ZNF397: variants seen among roughly 807,000 people sequenced by gnomAD.
ZNF397 encodes the protein zinc finger protein 397, also known as zinc finger and SCAN domain-containing protein 15.
Under a neutral mutation model 50.6 loss-of-function variants are expected in ZNF397, and 38 were observed. The observed-to-expected ratio is 0.75, with a 90% CI of 0.58 to 0.98. The LOEUF (loss-of-function observed/expected upper bound fraction) is 0.98. Ranked by LOEUF, ZNF397 falls within the 50% of genes least tolerant of loss-of-function variation. The pLI is 0.00. For missense variants in ZNF397, 624 were observed against 624.1 expected (o/e 1.00, Z 0.00); for synonymous variants, 228 against 215.2 (o/e 1.06, Z -0.52).
Position 35,242,783 on chromosome 18 carries a change from G to T in ZNF397, c.313G>T (p.Glu105Ter), listed in dbSNP as rs368013007. 3 of 1,614,080 alleles carry T rather than the reference G, an allele frequency of 1.9e-6. No homozygotes were observed. Among genetic ancestry groups the T allele is most frequent in the Non-Finnish European group, 2.5e-6 (3 of 1,180,046 alleles). ...GCAGTTCCTGAGCATTCTGCCTGAG[G>T]AGCTGCAGATCTGGGTTCAGCAACA... is the stretch of plus-strand genomic sequence containing the variant. ...LEQFLSILPEELQIWVQQHNP... is the reference protein window; with the variant it reads ...LEQFLSILPE Residue 105 changes from glutamate to a stop codon, truncating the protein, a stop_gained, in exon 2 of 4, where the codon GAG (glutamate) becomes TAG (stop). Transcript: ENST00000330501. LOFTEE classifies it high-confidence loss of function.
downstream of ZNF397, chr18:35,259,154 G>C (rs529732391): frequency 5.3e-5 from 8 of 152,216 alleles, no homozygotes; most frequent in African/African-American, 1.7e-4. Context: ...CAGCAGGTTT[G>C]GTTTCTTCTC....
At chr18:35,256,560 A>G (rs142000217) in intron 5 of ZNF397, among the ~76,000 whole-genome samples, 2 of 152,286 alleles carry the variant, frequency 1.3e-5, no homozygotes, top group Admixed American at 1.3e-4. Flanking sequence ...AAGAAAAAAA[A>G]AAAGATTACA....
chr18:35,256,062 G>GT (rs1430296448), intron 5 of ZNF397, among the ~76,000 whole-genome samples: 1 of 152,106 alleles, frequency 6.6e-6, no homozygotes, highest in African/African-American at 2.4e-5. Context: ...GAAAAGCAAT[G>GT]TAACTTATGG....
chr18:35,253,733 A>G (rs772453484), downstream of ZNF397: 3 of 1,614,148 alleles, frequency 1.9e-6, no homozygotes, highest in East Asian at 4.5e-5. Flanking sequence ...CTTATGCTGA[A>G]TAAGGGCTGA....
rs200551671 is a variant in ZNF397 at position 35,249,669 on chromosome 18, A to C, written c.*3359A>C. ...CTGTGTCTCAAAAAAAAAAAAAAAA[A>C]AAAAAAAAACACTGATGTCAATTAA... On this transcript the variant is annotated 3_prime_UTR_variant, in exon 4 of 4. Transcript: ENST00000330501. 1.4e-4 allele frequency: 21 copies of C among 149,710 alleles called. No homozygotes were observed. In the East Asian group the frequency reaches 2.7e-3, roughly 19 times the overall value. The allele number at this position is 149,710 out of a possible 1,614,324, so 9.3% of individuals were successfully genotyped here.
chr18:35,254,565 A>G (rs1306594101), downstream of ZNF397: 9 of 1,009,808 alleles, frequency 8.9e-6, no homozygotes, highest in Non-Finnish European at 1.3e-5. Context: ...CCCCTTGGAG[A>G]GTAAGGTAGA....
downstream of ZNF397, chr18:35,253,199 C>T (rs1291279321): frequency 1.1e-5 from 4 of 354,988 alleles, no homozygotes; most frequent in Non-Finnish European, 2.1e-5. Flanking sequence ...TGATGAGTCT[C>T]ATCCAGAAAT....
At chr18:35,249,832 T>C (rs1186148008), downstream of ZNF397, 1 of 152,090 alleles carries the variant, frequency 6.6e-6, no homozygotes, top group Admixed American at 6.6e-5. Flanking sequence ...TATGTGTGGG[T>C]GCTGAGGTTG....
intron 3 of ZNF397, among the ~76,000 whole-genome samples, chr18:35,244,550 A>G (rs1912781435): frequency 6.6e-6 from 1 of 152,294 alleles, no homozygotes; most frequent in East Asian, 1.9e-4. Flanking sequence ...ATCTGGAGGA[A>G]CGCTCGTGTT....
Position 35,243,235 on chromosome 18 carries a change from C to G in ZNF397, c.498C>G (p.His166Gln). The G allele has an allele frequency of 1.2e-6, 2 of 1,614,232 alleles. No individual in the cohort carries two copies. The highest frequency in any genetic ancestry group is 1.7e-6 in the Non-Finnish European group (2 of 1,180,046). The change falls in exon 3 of 4, where the codon CAC (histidine) becomes CAG (glutamine). Residue 166 changes from histidine to glutamine, a missense_variant. Transcript: ENST00000330501. ...CATCCCAAGAGTCAACAGACATCCACCTCCAGCCCTTAAAGACACAGCTGA... is the reference window on the plus strand; with the variant it reads ...CATCCCAAGAGTCAACAGACATCCAGCTCCAGCCCTTAAAGACACAGCTGA... The part of the protein sequence containing the change: ...LRASQESTDI[H>Q]LQPLKTQLKS...
Position 35,246,232 on chromosome 18 carries a change from TA to T in ZNF397, c.1528del (p.Ile510TyrfsTer24). On this transcript the variant is annotated frameshift_variant, in exon 4 of 4. Transcript: ENST00000330501. LOFTEE classifies it high-confidence loss of function. ...QRIHSGDEAY[I>X]CNECGKAFRH... The stretch of plus-strand genomic sequence containing the variant: ...GAATTCATTCTGGGGATGAAGCTTA[TA>T]TATGTAATGAATGTGGGAAGGCTTT... The T allele has an allele frequency of 1.3e-6, 2 of 1,552,208 alleles. No individual in the cohort carries two copies. Among genetic ancestry groups the T allele is most frequent in the Non-Finnish European group, 1.7e-6 (2 of 1,147,112 alleles).
At chr18:35,253,601 T>C (rs1249111127), downstream of ZNF397, 1 of 1,614,112 alleles carries the variant, frequency 6.2e-7, no homozygotes, top group Admixed American at 1.7e-5. Context: ...TTTTCCACAT[T>C]CATTACATTC....
intron 2 of ZNF397, 130 bp from the exon 3 acceptor site, chr18:35,243,022 T>C: frequency 4.0e-6 from 6 of 1,496,618 alleles, no homozygotes; most frequent in Non-Finnish European, 5.4e-6. Context: ...TACTTGTCTA[T>C]ACCCTTGAAT....
chr18:35,257,415 AG>A (rs1411686992), intron 5 of ZNF397: 7 of 154,678 alleles, frequency 4.5e-5, no homozygotes, highest in Admixed American at 1.9e-4. Flanking sequence ...GGTATTAGGA[AG>A]TGCGGACCTT....
chr18:35,254,822 G>C (rs2043739903), intron 5 of ZNF397: 1 of 200,258 alleles, frequency 5.0e-6, no homozygotes, highest in South Asian at 8.8e-5. Flanking sequence ...GAGAGCAGAA[G>C]ATATGATTAG....
At chr18:35,253,433 A>G, downstream of ZNF397, 1 of 1,536,580 alleles carries the variant, frequency 6.5e-7, no homozygotes, top group Non-Finnish European at 8.8e-7. Flanking sequence ...ACAATTGTAC[A>G]ACTCTTACCC....
In ZNF397 at chr18:35,246,223, T is replaced by G. The variant is rs1375333566; in HGVS notation, c.1518T>G (p.Asp506Glu). The G allele has an allele frequency of 1.9e-6, 3 of 1,551,948 alleles. No individual in the cohort carries two copies. The African/African-American group carries it at 4.1e-5, about 21-fold the overall frequency. The change falls in exon 4 of 4, where the codon GAT becomes GAG. Residue 506 changes from aspartate to glutamate, a missense_variant. Transcript: ENST00000330501. ...AGCATCAGAGAATTCATTCTGGGGA[T>G]GAAGCTTATATATGTAATGAATGTG... is the stretch of plus-strand genomic sequence containing the variant. ...LVQHQRIHSG[D>E]EAYICNECGK...
chr18:35,257,836 C>A, intron 5 of ZNF397: 1 of 778,662 alleles, frequency 1.3e-6, no homozygotes, highest in Non-Finnish European at 2.4e-6. Flanking sequence ...ATGAAATGCT[C>A]CAAGGATTAG....
chr18:35,245,452 A>T lies in ZNF397; in HGVS notation c.747A>T (p.Thr249=). Residue 249 remains threonine (T), a synonymous_variant, in exon 4 of 4, where the codon ACA becomes ACT. Coordinates refer to ENST00000330501, the MANE Select transcript of ZNF397 (RefSeq NM_001135178.3). Reference sequence around the variant, plus strand: ...GCAGTTTTAGTCAAGTGATCTTCACAAACAAATCTCTAGGAAAGAGAGACC... The same window carrying T: ...GCAGTTTTAGTCAAGTGATCTTCACTAACAAATCTCTAGGAAAGAGAGACC... ...QGGSFSQVIF[T]NKSLGKRDLY... The T allele has an allele frequency of 1.3e-6, 2 of 1,555,860 alleles. No homozygotes were observed.
Sources: allele counts gnomAD v4.1 joint callset (sites outside exome capture counted in the v4.1 genomes callset), GRCh38; gene constraint gnomAD v4.1.1; transcripts MANE v1.5; gene names NCBI Gene and HGNC (gene_info 2026-07-23, HGNC 2026-07-21).